TBPL1: variants seen among roughly 807,000 people sequenced by gnomAD.
The protein encoded by TBPL1 is TATA box-binding protein-like 1.
A neutral mutation model predicts 22.1 loss-of-function variants in TBPL1; 4 were observed. The ratio of observed to expected loss-of-function variants is 0.18; its 90% CI spans 0.09 to 0.41. The LOEUF (loss-of-function observed/expected upper bound fraction) is 0.41. Ranked by LOEUF, TBPL1 falls within the 10% of genes least tolerant of loss-of-function variation. The probability of loss-of-function intolerance (pLI) is 1.00; values close to 1 mark genes in which losing one functional copy is unlikely to be tolerated. For synonymous variants in TBPL1, 64 were observed against 71.0 expected (o/e 0.90, Z 0.50); for missense variants, 115 against 222.3 (o/e 0.52, Z 3.07).
rs554118750 is a variant in TBPL1, at chr6:133,990,381, A to G, written c.*3341A>G. On this transcript the variant is annotated 3_prime_UTR_variant, in exon 7 of 7. Transcript: ENST00000237264. ...AACCTAATGGCCTGACTCCTTTTCT[A>G]ATGTTTTACTAACAGCTACTTCTAA... 1 of 152,570 alleles carries G rather than the reference A, an allele frequency of 6.6e-6. No individual in the cohort carries two copies. Among genetic ancestry groups the G allele is most frequent in the Non-Finnish European group, 1.5e-5 (1 of 68,028 alleles). 9.5% of individuals were successfully genotyped at this position (152,570 alleles called of 1,614,324 possible).
chr6:133,954,570 A>C (rs1775894946), intron 1 of TBPL1, among the ~76,000 whole-genome samples: 1 of 152,250 alleles, frequency 6.6e-6, no homozygotes, highest in Admixed American at 6.5e-5. Context: ...TATACTTTAC[A>C]AAATCATTTT....
Position 133,986,951 on chromosome 6 carries a change from T to C in TBPL1, c.482-10T>C. 1.2e-6 allele frequency: 2 copies of C among 1,601,166 alleles called. No homozygotes were observed. Among genetic ancestry groups the C allele is most frequent in the Non-Finnish European group, 1.7e-6 (2 of 1,173,324 alleles). ...TCTTCTCACTCCTTCCTCCATTGTG[T>C]TTATTACAGGGCCCAATGTAAAGGC... On this transcript the variant is annotated splice_polypyrimidine_tract_variant and intron_variant, in intron 6 of 6. Transcript: ENST00000237264.
At chr6:133,962,077 C>A (rs76062569) in intron 1 of TBPL1, among the ~76,000 whole-genome samples, 1 of 152,068 alleles carries the variant, frequency 6.6e-6, no homozygotes, top group African/African-American at 2.4e-5. Context: ...ATTTAGGCAG[C>A]TATAAAACCG....
intron 6 of TBPL1, among the ~76,000 whole-genome samples, chr6:133,985,319 T>C (rs1226522714): frequency 0.19 from 10,639 of 57,308 alleles, 3,252 homozygotes; most frequent in Non-Finnish European, 0.36. Context: ...TATATATATA[T>C]ATATATATAT....
chr6:133,972,885 G>C (rs1179362508), intron 1 of TBPL1, among the ~76,000 whole-genome samples: 3 of 152,138 alleles, frequency 2.0e-5, no homozygotes, highest in African/African-American at 7.2e-5. Context: ...ACCCTGTGAG[G>C]TACAGGTGGT....
chr6:133,981,721 T>A (rs1429780458), intron 2 of TBPL1, among the ~76,000 whole-genome samples: 1 of 152,238 alleles, frequency 6.6e-6, no homozygotes, highest in African/African-American at 2.4e-5. Flanking sequence ...GTAACAAAAA[T>A]TTTAAGCAGA....
chr6:133,952,637 G>A (rs1336660166), upstream of TBPL1: 1 of 152,172 alleles, frequency 6.6e-6, no homozygotes, highest in Non-Finnish European at 1.5e-5. The surrounding 1 kb of genome is among the most constrained non-coding windows in gnomAD (Gnocchi z 4.5). Context: ...AATCTCACTA[G>A]GGGAATTTAT....
chr6:133,983,181 A>G (rs182396001), intron 4 of TBPL1, among the ~76,000 whole-genome samples: 292 of 152,286 alleles, frequency 1.9e-3, no homozygotes, highest in Non-Finnish European at 3.3e-3. Context: ...ACACAAACAA[A>G]ATGGTTTTTG....
At chr6:133,974,518 G>A (rs370786105) in intron 1 of TBPL1, among the ~76,000 whole-genome samples, 13 of 152,128 alleles carry the variant, frequency 8.5e-5, no homozygotes, top group African/African-American at 2.9e-4. Context: ...ATTTTTAGAC[G>A]GGGTTTCACC....
At chr6:133,963,815 G>A (rs1224283948) in intron 1 of TBPL1, among the ~76,000 whole-genome samples, 1 of 151,804 alleles carries the variant, frequency 6.6e-6, no homozygotes, top group African/African-American at 2.4e-5. Context: ...CGGATCACAA[G>A]GTCAGGAGAT....
At chr6:133,976,286 G>A (rs1355529368) in intron 1 of TBPL1, among the ~76,000 whole-genome samples, 1 of 152,108 alleles carries the variant, frequency 6.6e-6, no homozygotes, top group African/African-American at 2.4e-5. Flanking sequence ...AGTTTGAAAT[G>A]TTCGATTTCA....
In TBPL1 at chr6:133,984,411, G is replaced by A. The variant is rs572691740; in HGVS notation, c.318G>A (p.Leu106=). Reference sequence around the variant, plus strand: ...CAGATTTTAAGGTTGTTAACGTTCTGGCAGTGTGTAACATGCCATTTGAAA... The same window carrying A: ...CAGATTTTAAGGTTGTTAACGTTCTAGCAGTGTGTAACATGCCATTTGAAA... The part of the protein sequence containing the change: ...IFTDFKVVNV[L]AVCNMPFEIR... The change falls in exon 5 of 7, where the codon CTG becomes CTA. Residue 106 remains leucine, a synonymous_variant. Transcript: ENST00000237264. 33 of 1,613,216 alleles carry A rather than the reference G, an allele frequency of 2.0e-5. No homozygotes were observed. Among genetic ancestry groups the A allele is most frequent in the Non-Finnish European group, 6.8e-6 (8 of 1,179,684 alleles).
At chr6:133,976,572 A>G (rs1776316229) in intron 1 of TBPL1, among the ~76,000 whole-genome samples, 1 of 152,218 alleles carries the variant, frequency 6.6e-6, no homozygotes, top group African/African-American at 2.4e-5. Flanking sequence ...CTGTGTTTTC[A>G]AGAATAACCT....
intron 1 of TBPL1, among the ~76,000 whole-genome samples, chr6:133,977,869 T>A (rs1477022285): frequency 1.3e-5 from 2 of 152,202 alleles, no homozygotes; most frequent in Admixed American, 6.5e-5. Context: ...AGCTCTCATA[T>A]CCAACCTCTA....
chr6:133,954,016 G>A (rs1417818482), intron 1 of TBPL1, among the ~76,000 whole-genome samples: 1 of 152,194 alleles, frequency 6.6e-6, no homozygotes, highest in Non-Finnish European at 1.5e-5. Context: ...TGAATTGTGG[G>A]TAGGGCTAAG....
At chr6:133,984,335 G>C (rs1307829328) in intron 4 of TBPL1, 41 bp from the exon 5 acceptor site, 2 of 1,491,544 alleles carry the variant, frequency 1.3e-6, no homozygotes, top group Non-Finnish European at 1.8e-6. Flanking sequence ...TTGTTTGTTT[G>C]TTTCAAAATA....
At chr6:133,967,847 A>G (rs1776147092) in intron 1 of TBPL1, among the ~76,000 whole-genome samples, 1 of 152,214 alleles carries the variant, frequency 6.6e-6, no homozygotes, top group South Asian at 2.1e-4. Context: ...AGGTTGTCCA[A>G]GATTTTTATA....
At chr6:133,953,589 G>A (rs1466397954) in intron 1 of TBPL1, among the ~76,000 whole-genome samples, 164 bp downstream of exon 1, 1 of 152,152 alleles carries the variant, frequency 6.6e-6, no homozygotes. Context: ...CTGAGGTGGG[G>A]GAAACCGGTC....
At position 133,980,229 on chromosome 6, in the gene TBPL1, G is replaced by A. The variant is rs1776385252; in HGVS notation, c.104G>A (p.Gly35Glu). The A allele has an allele frequency of 6.2e-7, 1 of 1,608,466 alleles. No homozygotes were observed. The highest frequency in any genetic ancestry group is 8.5e-7 in the Non-Finnish European group (1 of 1,177,896). The change falls in exon 2 of 7, where the codon GGA (glycine) becomes GAA (glutamate). Residue 35 changes from glycine to glutamate, a missense_variant. Physicochemically the swap from Gly to Glu is moderately conservative, Grantham distance 98 (BLOSUM62 -2). Coordinates refer to ENST00000237264, the MANE Select transcript of TBPL1 (RefSeq NM_004865.4). ...AACTTAAGGAAGATTGCTTTGGAAG[G>A]AGCAAATGTAATTTATAAACGTGAT... is the stretch of plus-strand genomic sequence containing the variant. ...HLNLRKIALE[G>E]ANVIYKRDVG...
Sources: allele counts gnomAD v4.1 joint callset (sites outside exome capture counted in the v4.1 genomes callset), GRCh38; gene constraint gnomAD v4.1.1; non-coding constraint Gnocchi (gnomAD v3.1); transcripts MANE v1.5; gene names NCBI Gene and HGNC (gene_info 2026-07-23, HGNC 2026-07-21).